Variants in FSTL4 observed in about 807,000 individuals in gnomAD.
The protein encoded by FSTL4 is follistatin-related protein 4.
FSTL4 carries 28 observed loss-of-function variants against 78.2 expected under a neutral mutation model. The ratio of observed to expected loss-of-function variants is 0.36; its 90% CI spans 0.27 to 0.49. The LOEUF is 0.49. Among genes scored for constraint, FSTL4 ranks in the 20% least tolerant of loss-of-function variants. The pLI, the probability that FSTL4 is intolerant of heterozygous loss-of-function variation, is 0.98. For synonymous variants in FSTL4, 422 were observed against 440.5 expected (o/e 0.96, Z 0.53); for missense variants, 922 against 1,084.9 (o/e 0.85, Z 2.11).
chr5:133,557,284 C>T (rs550134864), intron 3 of FSTL4, among the ~76,000 whole-genome samples: 9 of 152,310 alleles, frequency 5.9e-5, no homozygotes, highest in Admixed American at 2.6e-4. Context: ...CCCCCTGAAA[C>T]GCTAGGTGAA....
chr5:133,219,318 T>C (rs756153624), intron 12 of FSTL4, among the ~76,000 whole-genome samples: 1 of 152,176 alleles, frequency 6.6e-6, no homozygotes. Flanking sequence ...AACTAGTCTC[T>C]CTCCTTTTAC....
At chr5:133,519,303 T>A (rs1758926680) in intron 3 of FSTL4, among the ~76,000 whole-genome samples, 1 of 152,250 alleles carries the variant, frequency 6.6e-6, no homozygotes, top group Middle Eastern at 3.2e-3. Context: ...TTTCTGGATG[T>A]ACACTGACTA....
chr5:133,639,981 G>A, the FSTL4 span, among the ~76,000 whole-genome samples: 1 of 152,192 alleles, frequency 6.6e-6, no homozygotes, highest in Non-Finnish European at 1.5e-5. Context: ...ACTCTGCACT[G>A]GTTTTGATTA....
At chr5:133,786,904 T>C in the FSTL4 span, among the ~76,000 whole-genome samples, 1 of 152,328 alleles carries the variant, frequency 6.6e-6, no homozygotes, top group South Asian at 2.1e-4. Flanking sequence ...ATCACCATTC[T>C]CATTTCACAG....
intron 1 of FSTL4, among the ~76,000 whole-genome samples, chr5:133,604,569 C>T (rs763871526): frequency 6.6e-6 from 1 of 152,002 alleles, no homozygotes; most frequent in Non-Finnish European, 1.5e-5. Flanking sequence ...ATTAGCTGGG[C>T]GTGGTAGCAG....
intron 3 of FSTL4, among the ~76,000 whole-genome samples, chr5:133,536,058 C>A (rs115050138): frequency 6.6e-6 from 1 of 152,116 alleles, no homozygotes; most frequent in African/African-American, 2.4e-5. Context: ...CAAATACACA[C>A]GGAATGGTGA....
chr5:133,672,084 A>G, the FSTL4 span, among the ~76,000 whole-genome samples: 1 of 152,268 alleles, frequency 6.6e-6, no homozygotes, highest in Non-Finnish European at 1.5e-5. Flanking sequence ...AATGGCTTTT[A>G]GTCAGCAGAG....
At chr5:133,807,638 T>C in the FSTL4 span, among the ~76,000 whole-genome samples, 1 of 152,212 alleles carries the variant, frequency 6.6e-6, no homozygotes, top group Non-Finnish European at 1.5e-5. Flanking sequence ...TGTAGGTATG[T>C]GGGCCGTTGA....
intron 4 of FSTL4, among the ~76,000 whole-genome samples, chr5:133,328,580 G>A (rs990956354): frequency 1.3e-5 from 2 of 152,182 alleles, no homozygotes; most frequent in Non-Finnish European, 2.9e-5. Flanking sequence ...TATTGTGTTA[G>A]TGGAAAACCT....
At chr5:133,647,291 T>A in the FSTL4 span, among the ~76,000 whole-genome samples, 1 of 152,192 alleles carries the variant, frequency 6.6e-6, no homozygotes, top group Non-Finnish European at 1.5e-5. Flanking sequence ...AAATCACTGA[T>A]GTTTTAGCCA....
the FSTL4 span, among the ~76,000 whole-genome samples, chr5:133,792,185 T>A: frequency 2.0e-5 from 3 of 151,938 alleles, no homozygotes; most frequent in African/African-American, 4.8e-5. Context: ...AGCTGACCTG[T>A]GTCCTCCCAC....
chr5:133,725,906 G>C, the FSTL4 span, among the ~76,000 whole-genome samples: 3 of 152,152 alleles, frequency 2.0e-5, no homozygotes, highest in African/African-American at 7.2e-5. Context: ...CAGGAATTCT[G>C]TTAGCACCTT....
chr5:133,534,765 C>A lies in FSTL4; in HGVS notation c.160+32421G>T, dbSNP rs544407116. Among the ~76,000 whole-genome samples the A allele has an allele frequency of 9.2e-5, 14 of 152,178 alleles. No individual in the cohort carries two copies. The South Asian group carries it at 1.0e-3, about 11-fold the overall frequency. On this transcript the variant is annotated intron_variant, in intron 3 of 15. Coordinates refer to ENST00000265342, the MANE Select transcript of FSTL4 (RefSeq NM_015082.2). ...CAGTTCCCTCACACGCCCAGCTGTC[C>A]CCAGCATCACATCCCCAGCTGTCCC...
chr5:133,321,854 G>C (rs560827882), intron 4 of FSTL4, among the ~76,000 whole-genome samples: 18 of 152,354 alleles, frequency 1.2e-4, no homozygotes, highest in African/African-American at 4.3e-4. Flanking sequence ...GCTCAGCAGG[G>C]GCTGCCAGGT....
chr5:133,578,978 C>T (rs932309348), intron 2 of FSTL4, among the ~76,000 whole-genome samples: 2 of 151,880 alleles, frequency 1.3e-5, no homozygotes, highest in Admixed American at 1.3e-4. Context: ...GCAATCACCA[C>T]GTCCAAGACC....
At chr5:133,669,926 G>C in the FSTL4 span, among the ~76,000 whole-genome samples, 2 of 152,130 alleles carry the variant, frequency 1.3e-5, no homozygotes, top group African/African-American at 4.8e-5. Context: ...TGAACCTCAA[G>C]ATAAAGACCC....
At chr5:133,539,565 G>A (rs1274219196) in intron 3 of FSTL4, among the ~76,000 whole-genome samples, 1 of 152,026 alleles carries the variant, frequency 6.6e-6, no homozygotes, top group Non-Finnish European at 1.5e-5. Context: ...CACACATCAG[G>A]TGCTGATGCA....
chr5:133,373,653 G>A (rs146007541), intron 4 of FSTL4, among the ~76,000 whole-genome samples: 15 of 152,298 alleles, frequency 9.8e-5, no homozygotes, highest in African/African-American at 3.1e-4. Context: ...ACTGTTTGGG[G>A]CAGACCCCAC....
intron 2 of FSTL4, among the ~76,000 whole-genome samples, chr5:133,593,736 CTTCT>C (rs1031403281): frequency 1.3e-5 from 2 of 152,118 alleles, no homozygotes; most frequent in African/African-American, 2.4e-5. Flanking sequence ...GATGTACTTC[CTTCT>C]TTATTACTTA....
Sources: allele counts gnomAD v4.1 joint callset (sites outside exome capture counted in the v4.1 genomes callset), GRCh38; gene constraint gnomAD v4.1.1; transcripts MANE v1.5; gene names NCBI Gene and HGNC (gene_info 2026-07-23, HGNC 2026-07-21).